ENTREP2: variants seen among roughly 807,000 people sequenced by gnomAD.
ENTREP2 encodes protein ENTREP2.
the ENTREP2 span, among the ~76,000 whole-genome samples, chr15:29,488,762 A>C: frequency 1.3e-5 from 2 of 152,250 alleles, no homozygotes. Flanking sequence ...AAGGCAATGA[A>C]ATGACATTTT....
chr15:29,422,810 CATGATGG>C, the ENTREP2 span, among the ~76,000 whole-genome samples: 1 of 152,114 alleles, frequency 6.6e-6, no homozygotes, highest in Non-Finnish European at 1.5e-5. Flanking sequence ...AGCCCCTGAG[CATGATGG>C]ATCCAGGGGG....
chr15:29,578,244 A>G, the ENTREP2 span, among the ~76,000 whole-genome samples: 1 of 152,248 alleles, frequency 6.6e-6, no homozygotes, highest in Non-Finnish European at 1.5e-5. Flanking sequence ...TGCTGCAGCC[A>G]ACGTGGAAAA....
At chr15:29,462,936 T>G in the ENTREP2 span, among the ~76,000 whole-genome samples, 1 of 152,194 alleles carries the variant, frequency 6.6e-6, no homozygotes, top group Non-Finnish European at 1.5e-5. Context: ...GGGTAGGAAG[T>G]TCCAGTTAAT....
the ENTREP2 span, among the ~76,000 whole-genome samples, chr15:29,368,748 T>G: frequency 6.6e-6 from 1 of 151,314 alleles, no homozygotes; most frequent in African/African-American, 2.4e-5. Context: ...GTGGTAGCAC[T>G]CACCTGTAAT....
chr15:29,348,074 A>G, the ENTREP2 span, among the ~76,000 whole-genome samples: 1 of 152,166 alleles, frequency 6.6e-6, no homozygotes, highest in African/African-American at 2.4e-5. Context: ...GTGAGGGGAA[A>G]TCTATAAGGA....
At chr15:29,416,578 T>C in the ENTREP2 span, among the ~76,000 whole-genome samples, 3 of 152,222 alleles carry the variant, frequency 2.0e-5, no homozygotes, top group East Asian at 3.9e-4. Flanking sequence ...ATTCAGGACA[T>C]AGGCATGGGC....
chr15:29,489,306 G>A, the ENTREP2 span, among the ~76,000 whole-genome samples: 2 of 152,148 alleles, frequency 1.3e-5, no homozygotes, highest in African/African-American at 4.8e-5. Context: ...TGCTAACTGG[G>A]TGCTTGTAGC....
chr15:29,548,719 G>A, the ENTREP2 span, among the ~76,000 whole-genome samples: 1 of 152,042 alleles, frequency 6.6e-6, no homozygotes, highest in Non-Finnish European at 1.5e-5. Flanking sequence ...TCCTTTAGAG[G>A]GAAACAACTG....
the ENTREP2 span, among the ~76,000 whole-genome samples, chr15:29,633,261 C>T: frequency 6.6e-6 from 1 of 152,090 alleles, no homozygotes. Context: ...GCCCAAAAGG[C>T]TGAATAAGCA....
At chr15:29,507,098 G>A in the ENTREP2 span, among the ~76,000 whole-genome samples, 5 of 152,090 alleles carry the variant, frequency 3.3e-5, no homozygotes, top group African/African-American at 9.7e-5. Flanking sequence ...AAAAGCAGGG[G>A]TTGCAATCCT....
At chr15:29,353,405 C>T in the ENTREP2 span, among the ~76,000 whole-genome samples, 2 of 152,112 alleles carry the variant, frequency 1.3e-5, no homozygotes, top group Non-Finnish European at 2.9e-5. Flanking sequence ...CCCACCTGGA[C>T]GGGCTGTTTG....
At chr15:29,559,838 C>T in the ENTREP2 span, among the ~76,000 whole-genome samples, 5 of 152,192 alleles carry the variant, frequency 3.3e-5, no homozygotes, top group Non-Finnish European at 7.3e-5. Context: ...ATGTGAGACA[C>T]AGATTCACAG....
At chr15:29,213,477 T>A in the ENTREP2 span, among the ~76,000 whole-genome samples, 1 of 152,170 alleles carries the variant, frequency 6.6e-6, no homozygotes, top group East Asian at 1.9e-4. Flanking sequence ...GAGCAGTGGT[T>A]TGTAGTTGTC....
chr15:29,371,170 G>C, the ENTREP2 span, among the ~76,000 whole-genome samples: 4 of 152,030 alleles, frequency 2.6e-5, no homozygotes, highest in Non-Finnish European at 4.4e-5. Context: ...TGGAAAATAA[G>C]CTCAGCTCTT....
the ENTREP2 span, among the ~76,000 whole-genome samples, chr15:29,128,084 G>A: frequency 0.023 from 3,458 of 152,288 alleles, 129 homozygotes; most frequent in African/African-American, 0.078. Flanking sequence ...GCGCCCTGGG[G>A]CGATCATCCT....
chr15:29,631,303 G>A, the ENTREP2 span, among the ~76,000 whole-genome samples: 1 of 152,150 alleles, frequency 6.6e-6, no homozygotes. Context: ...TATTTTCTGG[G>A]TTCCTGGCAT....
chr15:29,458,230 G>C, the ENTREP2 span, among the ~76,000 whole-genome samples: 1 of 152,102 alleles, frequency 6.6e-6, no homozygotes, highest in Non-Finnish European at 1.5e-5. Context: ...AACTCAAGTA[G>C]AGACAGCAAA....
chr15:29,179,179 C>T, the ENTREP2 span, among the ~76,000 whole-genome samples: 1 of 152,236 alleles, frequency 6.6e-6, no homozygotes, highest in African/African-American at 2.4e-5. Context: ...AATGGCTTTA[C>T]TTTGGTCTAA....
the ENTREP2 span, among the ~76,000 whole-genome samples, chr15:29,506,114 T>C: frequency 6.6e-6 from 1 of 152,118 alleles, no homozygotes; most frequent in East Asian, 1.9e-4. Flanking sequence ...TCGTGAAGCA[T>C]ACACAAGTAT....
Sources: gnomAD v4.1 joint callset for allele counts (sites outside exome capture counted in the v4.1 genomes callset) on GRCh38, gnomAD v4.1.1 for gene constraint, MANE v1.5 for transcripts, NCBI Gene and HGNC (gene_info 2026-07-23, HGNC 2026-07-21) for gene names.